The following INPP5D variants were observed in gnomAD, a reference collection of about 807,000 sequenced individuals.
The protein encoded by INPP5D is inositol polyphosphate-5-phosphatase D.
In INPP5D, 33 loss-of-function variants were observed where a neutral mutation model predicts 122.9. That is an observed-to-expected ratio of 0.27 (90% CI 0.20 to 0.36). The LOEUF (loss-of-function observed/expected upper bound fraction) is 0.36. Ranked by LOEUF, INPP5D falls within the 10% of genes least tolerant of loss-of-function variation. INPP5D has a pLI of 1.00. For missense variants in INPP5D, 1,053 were observed against 1,412.7 expected, an observed-to-expected ratio of 0.75 and a Z score of 4.08; for synonymous variants, 584 against 576.2, an observed-to-expected ratio of 1.01 and a Z score of -0.19.
intron 25 of INPP5D, among the ~76,000 whole-genome samples, chr2:233,202,062 C>T (rs2106328684): frequency 6.8e-6 from 1 of 146,990 alleles, no homozygotes; most frequent in South Asian, 2.4e-4. Flanking sequence ...TGGTCTCTAT[C>T]TCACTGCTCT....
intron 5 of INPP5D, among the ~76,000 whole-genome samples, chr2:233,131,522 T>G (rs1693325555): frequency 6.9e-6 from 1 of 145,210 alleles, no homozygotes; most frequent in Admixed American, 6.9e-5. Flanking sequence ...CATGGTGAAA[T>G]CCTGTCTCTA....
At chr2:233,185,276 TGCC>T (rs1184900664) in intron 20 of INPP5D, among the ~76,000 whole-genome samples, 1 of 113,702 alleles carries the variant, frequency 8.8e-6, no homozygotes, top group Non-Finnish European at 2.0e-5. Context: ...CTCTGGTCCC[TGCC>T]TCCTTCTCCA....
chr2:233,086,173 C>CTTTCT (rs1277821594), intron 2 of INPP5D, among the ~76,000 whole-genome samples: 1 of 145,406 alleles, frequency 6.9e-6, no homozygotes, highest in Non-Finnish European at 1.5e-5. Context: ...TTCTTTCTTT[C>CTTTCT]TTTCTTTCTT....
chr2:233,189,703 C>T lies in INPP5D; in HGVS notation c.2359-147C>T. The T allele has an allele frequency of 8.3e-7, 1 of 1,199,338 alleles. No homozygotes were observed. The highest frequency in any genetic ancestry group is 1.1e-6 in the Non-Finnish European group (1 of 885,712). The allele number at this position is 1,199,338 out of a possible 1,614,324, so 74.3% of individuals were successfully genotyped here. A position where few individuals can be genotyped will look rare whatever the true frequency, so the allele number is the denominator to read the frequency against. On this transcript the variant is annotated intron_variant, in intron 21 of 26. Transcript: ENST00000445964. This position sits in a 1 kb window ranked among gnomAD's most constrained non-coding sequence, Gnocchi z 5.6. ...GACAGGGTGTATGTGAAAGCTATAC[C>T]CCACCTGCTCTCTTGGGTATGGACA...
chr2:233,137,688 T>C (rs1469859101), intron 5 of INPP5D, among the ~76,000 whole-genome samples: 2 of 149,324 alleles, frequency 1.3e-5, no homozygotes, highest in Admixed American at 1.4e-4. Flanking sequence ...ACTCCTGACC[T>C]CAGGTGACAC....
intron 25 of INPP5D, among the ~76,000 whole-genome samples, chr2:233,200,095 C>T (rs1235480484): frequency 2.0e-5 from 3 of 152,222 alleles, no homozygotes; most frequent in Admixed American, 2.0e-4. Flanking sequence ...GGCCCTGAAA[C>T]TCTGGGGAAG....
intron 6 of INPP5D, among the ~76,000 whole-genome samples, chr2:233,141,945 A>AG (rs1693639959): frequency 6.6e-6 from 1 of 152,222 alleles, no homozygotes; most frequent in Non-Finnish European, 1.5e-5. Context: ...AGAAAAAAAA[A>AG]TTTTTGCTTT....
chr2:233,145,165 T>C (rs1254081504), intron 6 of INPP5D: 6 of 454,178 alleles, frequency 1.3e-5, no homozygotes, highest in Admixed American at 2.4e-5. Context: ...ATGTCTAACA[T>C]AGAATAGATG....
At position 233,164,358 on chromosome 2, in the gene INPP5D, G is replaced by A; in HGVS notation, c.1489G>A (p.Glu497Lys). 6.4e-7 allele frequency: 1 copy of A among 1,552,792 alleles called. No homozygotes were observed. The highest frequency in any genetic ancestry group is 8.7e-7 in the Non-Finnish European group (1 of 1,147,698). Reference sequence around the variant, plus strand: ...CCGCATCGTGGTGCTGGCCAAGCCTGAGCACGAGAACCGGATCAGCCACAT... The same window carrying A: ...CCGCATCGTGGTGCTGGCCAAGCCTAAGCACGAGAACCGGATCAGCCACAT... ...NIRIVVLAKP[E>K]HENRISHICT... Residue 497 changes from glutamate to lysine, a missense_variant, in exon 13 of 27, where the codon GAG becomes AAG. This residue lies in a region of INPP5D where 105 missense variants were observed against 199.8 expected (regional missense o/e 0.53). Coordinates refer to ENST00000445964, the MANE Select transcript of INPP5D (RefSeq NM_001017915.3). The surrounding 1 kb of genome is among the most constrained non-coding windows in gnomAD (Gnocchi z 4.3).
intron 2 of INPP5D, among the ~76,000 whole-genome samples, chr2:233,085,178 G>C (rs1221246456): frequency 2.0e-5 from 3 of 152,128 alleles, no homozygotes; most frequent in Non-Finnish European, 4.4e-5. Flanking sequence ...CTGAGGTCAG[G>C]AGTTTGGGAC....
chr2:233,068,511 C>G (rs1691288886), intron 1 of INPP5D, among the ~76,000 whole-genome samples: 1 of 152,078 alleles, frequency 6.6e-6, no homozygotes, highest in Non-Finnish European at 1.5e-5. Flanking sequence ...AGGAGAATTG[C>G]TTGAACCCAG....
chr2:233,139,702 C>G, intron 5 of INPP5D, 140 bp from the exon 6 acceptor site: 1 of 390,454 alleles, frequency 2.6e-6, no homozygotes, highest in Non-Finnish European at 4.5e-6. Flanking sequence ...GATCTTTGCC[C>G]GGGCTTGTCC....
intron 5 of INPP5D, among the ~76,000 whole-genome samples, chr2:233,132,543 C>G (rs1240670548): frequency 6.6e-6 from 1 of 152,248 alleles, no homozygotes; most frequent in Non-Finnish European, 1.5e-5. Flanking sequence ...TTGCTTTCAT[C>G]AGTAAGGCGA....
intron 2 of INPP5D, among the ~76,000 whole-genome samples, chr2:233,083,773 C>T: frequency 6.6e-6 from 1 of 152,266 alleles, no homozygotes; most frequent in South Asian, 2.1e-4. Context: ...CCAGGGAGGC[C>T]TGGAGTGGCC....
rs762016593 is a variant in INPP5D, at chr2:233,172,171, C to G, written c.1989+1019C>G. 4.0e-4 allele frequency among the ~76,000 whole-genome samples: 61 copies of G among 152,228 alleles called. 1 individual carries two copies. Among genetic ancestry groups the G allele is most frequent in the Non-Finnish European group, 8.4e-4 (57 of 68,046 alleles). On this transcript the variant is annotated intron_variant, in intron 17 of 26. Transcript: ENST00000445964. ...ACTGCCTGCTGTGTGGATAAGGTCA[C>G]CTGGCCCAAAGGCACTGTCAGAGCA...
chr2:233,091,756 G>T (rs1477005512), intron 2 of INPP5D, among the ~76,000 whole-genome samples: 1 of 152,192 alleles, frequency 6.6e-6, no homozygotes, highest in African/African-American at 2.4e-5. Flanking sequence ...AGGAGGGCTT[G>T]GGAGGCGGAG....
At chr2:233,152,435 G>A (rs925320292) in intron 9 of INPP5D, among the ~76,000 whole-genome samples, 1 of 152,218 alleles carries the variant, frequency 6.6e-6, no homozygotes, top group Non-Finnish European at 1.5e-5. Flanking sequence ...GCTTTGGGAT[G>A]CGAAGGTGAA....
intron 5 of INPP5D, among the ~76,000 whole-genome samples, chr2:233,137,191 A>G (rs1228483098): frequency 6.7e-6 from 1 of 150,206 alleles, no homozygotes; most frequent in Admixed American, 6.7e-5. Flanking sequence ...ATCCCAGCAA[A>G]TATAATTTAG....
At position 233,207,703 on chromosome 2, in the gene INPP5D, C is replaced by T. The variant is rs1370271299; in HGVS notation, c.*995C>T. 1.3e-5 allele frequency: 2 copies of T among 152,358 alleles called. No individual in the cohort carries two copies. Among genetic ancestry groups the T allele is most frequent in the Admixed American group, 6.5e-5 (1 of 15,288 alleles). The allele number at this position is 152,358 out of a possible 1,614,324, so 9.4% of individuals were successfully genotyped here. ...CTTGAAATAGTGCAGCCTTTTCTTC[C>T]TATCTCTGTGGCTTTCAGCTCTGCT... On this transcript the variant is annotated 3_prime_UTR_variant, in exon 27 of 27. Coordinates refer to ENST00000445964, the MANE Select transcript of INPP5D (RefSeq NM_001017915.3). This position sits in a 1 kb window ranked among gnomAD's most constrained non-coding sequence, Gnocchi z 4.6.
Sources: gnomAD v4.1 joint callset for allele counts (sites outside exome capture counted in the v4.1 genomes callset) on GRCh38, gnomAD v4.1.1 for gene constraint, gnomAD v4.1.1 regional missense constraint, Gnocchi (gnomAD v3.1) non-coding constraint, MANE v1.5 for transcripts, NCBI Gene and HGNC (gene_info 2026-07-23, HGNC 2026-07-21) for gene names.